ASTN1: variants seen among roughly 807,000 people sequenced by gnomAD.
The protein encoded by ASTN1 is astrotactin 1, also known as astrotactin-1.
Under a neutral mutation model 140.7 loss-of-function variants are expected in ASTN1, and 41 were observed. That is an observed-to-expected ratio of 0.29 (90% CI 0.23 to 0.38). The LOEUF is 0.38. Ranked by LOEUF, ASTN1 falls within the 10% of genes least tolerant of loss-of-function variation. ASTN1 has a pLI of 1.00. For missense variants in ASTN1, 1,479 were observed against 1,678.8 expected (o/e 0.88, Z 2.08); for synonymous variants, 640 against 652.2 (o/e 0.98, Z 0.29).
intron 1 of ASTN1, among the ~76,000 whole-genome samples, chr1:177,142,700 A>T (rs1388399266): frequency 6.6e-6 from 1 of 152,204 alleles, no homozygotes. Context: ...CTGCTTTAAA[A>T]AAACTTCCAA....
In ASTN1 at chr1:177,121,468, G is replaced by A. The variant is rs7544622; in HGVS notation, c.283+42926C>T. Among the ~76,000 whole-genome samples the A allele has an allele frequency of 3.9e-3, 589 of 152,052 alleles. 4 individuals carry two copies. Among genetic ancestry groups the A allele is most frequent in the African/African-American group, 0.013 (554 of 41,464 alleles). ...TGCTCCTTGAGGGCTATATGATGGCGGGCAAGTTACTGTCCTCTTTCTATA... is the reference window on the plus strand; with the variant it reads ...TGCTCCTTGAGGGCTATATGATGGCAGGCAAGTTACTGTCCTCTTTCTATA... On this transcript the variant is annotated intron_variant, in intron 1 of 22. Transcript: ENST00000361833.
At chr1:177,093,831 T>G (rs1679891639) in intron 1 of ASTN1, among the ~76,000 whole-genome samples, 1 of 152,216 alleles carries the variant, frequency 6.6e-6, no homozygotes, top group South Asian at 2.1e-4. Context: ...ATTCAGTTGT[T>G]CTCTTAATTG....
Position 176,949,294 on chromosome 1 carries a change from C to G in ASTN1, c.1945G>C (p.Gly649Arg), listed in dbSNP as rs750297864. 5 of 1,614,086 alleles carry G rather than the reference C, an allele frequency of 3.1e-6. No homozygotes were observed. Among genetic ancestry groups the G allele is most frequent in the Non-Finnish European group, 4.2e-6 (5 of 1,180,020 alleles). ...TTGAAGCCGTCGGAACAGTCCACCC[C>G]GATGTGGCGGTCATAGCAGCCAGAG... ...DSSGCYDRHI[G>R]VDCSDGFNGG... Residue 649 changes from glycine (G) to arginine (R), a missense_variant, in exon 12 of 23, where the codon GGG becomes CGG. Gly to Arg is a moderately radical substitution (Grantham distance 125, BLOSUM62 -2). Transcript: ENST00000361833.
At chr1:176,875,564 C>T (rs1668526841) in intron 21 of ASTN1, among the ~76,000 whole-genome samples, 1 of 152,128 alleles carries the variant, frequency 6.6e-6, no homozygotes, top group Non-Finnish European at 1.5e-5. Flanking sequence ...ACTCTTTCCC[C>T]TGTGATTTTG....
intron 8 of ASTN1, 24 bp downstream of exon 8, chr1:177,014,767 C>T: frequency 6.3e-7 from 1 of 1,594,884 alleles, no homozygotes; most frequent in Non-Finnish European, 8.6e-7. Context: ...TGGGAACCAG[C>T]TAAGTCGTCA....
chr1:176,974,489 G>A (rs1383961156), intron 8 of ASTN1, among the ~76,000 whole-genome samples: 2 of 151,530 alleles, frequency 1.3e-5, no homozygotes, highest in African/African-American at 2.4e-5. Context: ...GGGTTCAAGC[G>A]ATTCTCCTGC....
chr1:176,974,427 C>A (rs1673275871), intron 8 of ASTN1, among the ~76,000 whole-genome samples: 1 of 151,032 alleles, frequency 6.6e-6, no homozygotes, highest in Admixed American at 6.6e-5. Context: ...GCTCTGTTGC[C>A]CAGGCTGGAC....
intron 1 of ASTN1, among the ~76,000 whole-genome samples, chr1:177,161,870 T>TA (rs1437271567): frequency 1.3e-5 from 2 of 152,140 alleles, no homozygotes; most frequent in African/African-American, 4.8e-5. Flanking sequence ...AGCATCCCTA[T>TA]ACCCCTTAAC....
At chr1:176,868,184 T>C (rs2103011415) in intron 22 of ASTN1, among the ~76,000 whole-genome samples, 1 of 152,334 alleles carries the variant, frequency 6.6e-6, no homozygotes, top group Non-Finnish European at 1.5e-5. Context: ...AGCAGCAATA[T>C]ACAGTTATGA....
intron 8 of ASTN1, among the ~76,000 whole-genome samples, chr1:176,975,625 T>C (rs1001106739): frequency 1.3e-5 from 2 of 152,254 alleles, no homozygotes; most frequent in Non-Finnish European, 2.9e-5. Context: ...TGTATTAGCA[T>C]ACACAGTGTT....
intron 1 of ASTN1, among the ~76,000 whole-genome samples, chr1:177,100,784 A>T (rs921502723): frequency 2.6e-5 from 4 of 152,164 alleles, no homozygotes; most frequent in African/African-American, 9.7e-5. Flanking sequence ...CCACTAACAT[A>T]ACCGTTCCTT....
In ASTN1 at chr1:176,914,961, G is replaced by T. The variant is rs79576627; in HGVS notation, c.2671+19191C>A. Among the ~76,000 whole-genome samples, 492 of 152,048 alleles carry T rather than the reference G, an allele frequency of 3.2e-3. 6 individuals are homozygous for T. Among genetic ancestry groups the T allele is most frequent in the African/African-American group, 0.011 (474 of 41,468 alleles). ...GGTTTGTAGAACTTTTGTCTTTTAG[G>T]GTCCTTTAGTATCATTACTCAAAAT... is the stretch of plus-strand genomic sequence containing the variant. On this transcript the variant is annotated intron_variant, in intron 16 of 22. Transcript: ENST00000361833.
intron 8 of ASTN1, among the ~76,000 whole-genome samples, chr1:176,991,017 T>C (rs1279577260): frequency 1.3e-5 from 2 of 152,176 alleles, no homozygotes; most frequent in Non-Finnish European, 2.9e-5. Context: ...TGTAAGCCAA[T>C]CCCTTTGCCC....
intron 1 of ASTN1, among the ~76,000 whole-genome samples, chr1:177,075,683 G>A (rs1249605549): frequency 1.8e-5 from 2 of 113,914 alleles, no homozygotes; most frequent in African/African-American, 3.5e-5. Context: ...GTCTCGCTCT[G>A]TTGCCCAGGC....
At chr1:176,978,199 A>G (rs1558005729) in intron 8 of ASTN1, among the ~76,000 whole-genome samples, 1 of 152,216 alleles carries the variant, frequency 6.6e-6, no homozygotes, top group Admixed American at 6.5e-5. Flanking sequence ...TTCATCTGAA[A>G]TGTGGGATAC....
intron 19 of ASTN1, among the ~76,000 whole-genome samples, chr1:176,883,296 G>C (rs924573462): frequency 6.7e-6 from 1 of 149,300 alleles, no homozygotes. Flanking sequence ...GCAGTGGCGC[G>C]ATCTTGTCTC....
intron 1 of ASTN1, among the ~76,000 whole-genome samples, chr1:177,134,517 G>A (rs1682089716): frequency 6.6e-6 from 1 of 152,160 alleles, no homozygotes. Flanking sequence ...CTTAGGCAAA[G>A]ACCACATCGC....
At chr1:176,889,118 T>C (rs1557937321) in intron 17 of ASTN1, among the ~76,000 whole-genome samples, 2 of 152,214 alleles carry the variant, frequency 1.3e-5, no homozygotes. Flanking sequence ...ATATTTACTA[T>C]TAAGTAAAAG....
intron 16 of ASTN1, among the ~76,000 whole-genome samples, chr1:176,902,507 G>A (rs146851872): frequency 5.9e-5 from 9 of 152,256 alleles, no homozygotes; most frequent in Admixed American, 2.6e-4. Context: ...TGAGGTTCCC[G>A]GCTAATTAGG....
Sources: allele counts gnomAD v4.1 joint callset (sites outside exome capture counted in the v4.1 genomes callset), GRCh38; gene constraint gnomAD v4.1.1; transcripts MANE v1.5; gene names NCBI Gene and HGNC (gene_info 2026-07-23, HGNC 2026-07-21).